PDPR: variants seen among roughly 807,000 people sequenced by gnomAD.
The protein encoded by PDPR is pyruvate dehydrogenase phosphatase regulatory subunit, mitochondrial.
Under a neutral mutation model 102.2 loss-of-function variants are expected in PDPR, and 50 were observed. The observed-to-expected ratio is 0.49, with a 90% CI of 0.39 to 0.62. PDPR has a LOEUF of 0.62. PDPR is among the 20% of genes least tolerant of loss of function. PDPR has a pLI of 0.00. For synonymous variants in PDPR, 259 were observed against 406.0 expected, an observed-to-expected ratio of 0.64 and a Z score of 4.35; for missense variants, 625 against 1,098.2, an observed-to-expected ratio of 0.57 and a Z score of 6.09.
intron 3 of PDPR, among the ~76,000 whole-genome samples, chr16:70,122,313 G>T (rs1963401346): frequency 6.6e-6 from 1 of 152,266 alleles, no homozygotes; most frequent in Non-Finnish European, 1.5e-5. Flanking sequence ...GATCAGACTT[G>T]GGTTAGAGAC....
chr16:70,123,568 C>G (rs1963584981), intron 3 of PDPR, among the ~76,000 whole-genome samples: 1 of 152,270 alleles, frequency 6.6e-6, no homozygotes, highest in Admixed American at 6.5e-5. Context: ...CAAAGTCTTT[C>G]TCCTATTTTT....
chr16:70,146,309 T>G, intron 16 of PDPR, 81 bp downstream of exon 16: 1 of 1,603,706 alleles, frequency 6.2e-7, no homozygotes, highest in Non-Finnish European at 8.5e-7. Context: ...ATTCTTACTA[T>G]GGTGTTAGCA....
intron 15 of PDPR, among the ~76,000 whole-genome samples, chr16:70,145,223 C>T (rs1171914741): frequency 4.6e-5 from 7 of 152,206 alleles, no homozygotes; most frequent in Admixed American, 4.6e-4. Context: ...ATTGCACCTC[C>T]ACCTCCCGGG....
Position 70,143,623 on chromosome 16 carries a change from A to C in PDPR, c.1719A>C (p.Glu573Asp), listed in dbSNP as rs771068000. ...TGMLNEGGGY[E>D]NDCSIARLNK... ...TGCTCAACGAGGGTGGAGGGTATGAAAATGACTGCAGCATAGCACGACTGA... is the reference window on the plus strand; with the variant it reads ...TGCTCAACGAGGGTGGAGGGTATGACAATGACTGCAGCATAGCACGACTGA... Residue 573 changes from glutamate (E) to aspartate (D), a missense_variant, in exon 14 of 19, where the codon GAA (glutamate) becomes GAC (aspartate). Physicochemically the swap from Glu to Asp is conservative, Grantham distance 45 (BLOSUM62 2). Coordinates refer to ENST00000288050, the MANE Select transcript of PDPR (RefSeq NM_017990.5). 1 of 1,613,454 alleles carries C rather than the reference A, an allele frequency of 6.2e-7. No homozygotes were observed. Among genetic ancestry groups the C allele is most frequent in the Admixed American group, 1.7e-5 (1 of 59,968 alleles).
chr16:70,135,942 G>A (rs1474552349), intron 9 of PDPR, among the ~76,000 whole-genome samples: 5 of 152,210 alleles, frequency 3.3e-5, no homozygotes, highest in African/African-American at 4.8e-5. Flanking sequence ...GGTGGTGCAC[G>A]CCTGTAATCC....
chr16:70,127,718 G>A (rs1301747619), intron 4 of PDPR, among the ~76,000 whole-genome samples: 1 of 152,282 alleles, frequency 6.6e-6, no homozygotes, highest in Admixed American at 6.5e-5. Flanking sequence ...TAAGAATTAA[G>A]AGTCATTGCA....
chr16:70,131,130 A>G (rs1211803686), intron 7 of PDPR, among the ~76,000 whole-genome samples, 172 bp from the exon 8 acceptor site: 1 of 152,198 alleles, frequency 6.6e-6, no homozygotes, highest in African/African-American at 2.4e-5. Flanking sequence ...GTCTTAAAAA[A>G]TGTAGTATTG....
chr16:70,118,822 G>A (rs1363320988), intron 2 of PDPR, among the ~76,000 whole-genome samples: 2 of 152,158 alleles, frequency 1.3e-5, no homozygotes, highest in African/African-American at 4.8e-5. Flanking sequence ...CCACAAGGTG[G>A]CCAAGACAAT....
At chr16:70,144,690 C>G (rs1320192462) in intron 15 of PDPR, among the ~76,000 whole-genome samples, 157 bp downstream of exon 15, 1 of 152,278 alleles carries the variant, frequency 6.6e-6, no homozygotes, top group African/African-American at 2.4e-5. Flanking sequence ...GATGCGGTGG[C>G]TGACACCTGT....
chr16:70,138,460 G>A (rs372612109), intron 10 of PDPR, among the ~76,000 whole-genome samples: 38 of 152,204 alleles, frequency 2.5e-4, no homozygotes, highest in African/African-American at 6.3e-4. Context: ...CAAGTGATCC[G>A]TCTGCCTCGG....
chr16:70,126,596 C>T (rs1963996273), intron 3 of PDPR, among the ~76,000 whole-genome samples: 1 of 152,272 alleles, frequency 6.6e-6, no homozygotes, highest in Non-Finnish European at 1.5e-5. Context: ...ATCTCCTGAC[C>T]TTGTGATCCG....
intron 2 of PDPR, chr16:70,120,243 G>C: frequency 7.1e-6 from 3 of 422,330 alleles, no homozygotes; most frequent in Non-Finnish European, 1.3e-5. Context: ...GTAGAGACGG[G>C]GTTTCACTGT....
intron 9 of PDPR, among the ~76,000 whole-genome samples, chr16:70,134,785 C>CAA (rs373669213): frequency 0.085 from 11,237 of 131,790 alleles, 358 homozygotes; most frequent in African/African-American, 0.24. Context: ...GACTCCATCT[C>CAA]AAAAAAAAAA....
At chr16:70,147,350 G>C (rs1966320316) in intron 16 of PDPR, among the ~76,000 whole-genome samples, 8 of 152,222 alleles carry the variant, frequency 5.3e-5, no homozygotes, top group Admixed American at 5.2e-4. Flanking sequence ...GGTTTCTGTA[G>C]CACTGGATTA....
At chr16:70,138,280 G>A (rs552641529) in intron 10 of PDPR, among the ~76,000 whole-genome samples, 10 of 139,318 alleles carry the variant, frequency 7.2e-5, no homozygotes, top group African/African-American at 1.4e-4. Context: ...GTGCAATGGC[G>A]TGATCTAGGC....
intron 17 of PDPR, among the ~76,000 whole-genome samples, chr16:70,150,896 C>T (rs567918433): frequency 6.6e-6 from 1 of 152,250 alleles, no homozygotes. Context: ...CATCCCACTT[C>T]AGCTTCCTGA....
At chr16:70,153,338 C>T in intron 17 of PDPR, 53 bp from the exon 18 acceptor site, 2 of 1,550,672 alleles carry the variant, frequency 1.3e-6, no homozygotes, top group South Asian at 1.2e-5. Flanking sequence ...AGACATGCTC[C>T]ATGCTTAATT....
chr16:70,134,013 G>C (rs1365442625), intron 9 of PDPR, among the ~76,000 whole-genome samples: 1 of 152,078 alleles, frequency 6.6e-6, no homozygotes, highest in East Asian at 1.9e-4. Context: ...GATTACAGAC[G>C]TGAGCCACCA....
At chr16:70,116,831 G>A (rs1371588731) in intron 2 of PDPR, among the ~76,000 whole-genome samples, 13 of 151,978 alleles carry the variant, frequency 8.6e-5, no homozygotes, top group Non-Finnish European at 1.8e-4. Flanking sequence ...CGTGAGACAT[G>A]GCGCCCGGCC....
Sources: allele counts gnomAD v4.1 joint callset (sites outside exome capture counted in the v4.1 genomes callset), GRCh38; gene constraint gnomAD v4.1.1; transcripts MANE v1.5; gene names NCBI Gene and HGNC (gene_info 2026-07-23, HGNC 2026-07-21).